Variants in REEP1 observed in about 807,000 individuals in gnomAD.
REEP1 encodes the protein receptor expression-enhancing protein 1.
Under a neutral mutation model 40.3 loss-of-function variants are expected in REEP1, and 22 were observed. The observed-to-expected ratio is 0.55, with a 90% CI of 0.39 to 0.78. The LOEUF (loss-of-function observed/expected upper bound fraction) is 0.78. REEP1 is among the 30% of genes least tolerant of loss of function. The pLI, the probability that REEP1 is intolerant of heterozygous loss-of-function variation, is 0.00. For synonymous variants in REEP1, 116 were observed against 139.2 expected (o/e 0.83, Z 1.17); for missense variants, 280 against 361.1 (o/e 0.78, Z 1.82).
intron 7 of REEP1, among the ~76,000 whole-genome samples, chr2:86,224,930 C>T (rs1481229321): frequency 2.0e-5 from 3 of 152,204 alleles, no homozygotes; most frequent in African/African-American, 7.2e-5. Context: ...AGCCACTCTC[C>T]CCGACCCCCA....
intron 1 of REEP1, among the ~76,000 whole-genome samples, chr2:86,285,813 C>A (rs1678357153): frequency 6.6e-6 from 1 of 152,160 alleles, no homozygotes; most frequent in Non-Finnish European, 1.5e-5. Context: ...AGGAACTCAG[C>A]CCACTTGCTA....
chr2:86,228,646 C>A (rs1674851644), intron 6 of REEP1, among the ~76,000 whole-genome samples: 1 of 152,068 alleles, frequency 6.6e-6, no homozygotes, highest in African/African-American at 2.4e-5. Context: ...TTAGTAGAGA[C>A]AGGGTTTCTC....
chr2:86,332,283 G>A (rs1296392841), intron 1 of REEP1, among the ~76,000 whole-genome samples: 1 of 151,932 alleles, frequency 6.6e-6, no homozygotes, highest in African/African-American at 2.4e-5. Context: ...CTTCTTTTCG[G>A]GGGTTGGAAA....
At chr2:86,237,979 T>C (rs1241254563) in intron 5 of REEP1, among the ~76,000 whole-genome samples, 4 of 152,072 alleles carry the variant, frequency 2.6e-5, no homozygotes, top group African/African-American at 7.2e-5. Flanking sequence ...GTCGGGAGTT[T>C]GAGACCAGCC....
intron 5 of REEP1, among the ~76,000 whole-genome samples, chr2:86,249,467 C>T (rs978906515): frequency 2.0e-5 from 3 of 152,182 alleles, no homozygotes; most frequent in Admixed American, 1.3e-4. Flanking sequence ...CTTTAACCCT[C>T]ATCACCTGTG....
At chr2:86,220,703 G>GTTTT (rs1350962063) in intron 7 of REEP1, among the ~76,000 whole-genome samples, 1 of 83,282 alleles carries the variant, frequency 1.2e-5, no homozygotes, top group African/African-American at 2.7e-5. Flanking sequence ...TAGTTTTTTT[G>GTTTT]TTTGTTTTTT....
In REEP1 at chr2:86,337,341, A is replaced by C; in HGVS notation, c.32+138T>G. On this transcript the variant is annotated intron_variant, in intron 1 of 8. Transcript: ENST00000538924. This position sits in a 1 kb window ranked among gnomAD's most constrained non-coding sequence, Gnocchi z 5.8. Reference sequence around the variant, plus strand: ...CCGCCCGCAGGCGTCCTCGGCGGCTACTGTACCTGCTAAATTTAGCTGCGC... The same window carrying C: ...CCGCCCGCAGGCGTCCTCGGCGGCTCCTGTACCTGCTAAATTTAGCTGCGC... 63 of 420,750 alleles carry C rather than the reference A, an allele frequency of 1.5e-4. No homozygotes were observed. Among genetic ancestry groups the C allele is most frequent in the East Asian group, 2.6e-4 (5 of 19,098 alleles). 26.1% of individuals were successfully genotyped at this position (420,750 alleles called of 1,614,324 possible). A position where few individuals can be genotyped will look rare whatever the true frequency, so the allele number is the denominator to read the frequency against.
chr2:86,265,096 C>T (rs1677068562), intron 2 of REEP1, among the ~76,000 whole-genome samples: 1 of 152,102 alleles, frequency 6.6e-6, no homozygotes, highest in Non-Finnish European at 1.5e-5. Context: ...TTGGCAGGTC[C>T]CTGAAATGCA....
At chr2:86,324,381 A>C (rs1405060808) in intron 1 of REEP1, among the ~76,000 whole-genome samples, 1 of 152,196 alleles carries the variant, frequency 6.6e-6, no homozygotes, top group East Asian at 1.9e-4. Context: ...GCCAATAAAC[A>C]TATGAAAAGA....
At chr2:86,276,085 T>C (rs1677741779) in intron 2 of REEP1, among the ~76,000 whole-genome samples, 1 of 152,190 alleles carries the variant, frequency 6.6e-6, no homozygotes. Flanking sequence ...GCATGTTCAA[T>C]GGGCTCATGT....
At chr2:86,267,361 C>T (rs994823129) in intron 2 of REEP1, among the ~76,000 whole-genome samples, 1 of 152,120 alleles carries the variant, frequency 6.6e-6, no homozygotes, top group Non-Finnish European at 1.5e-5. Context: ...GAAGAAGGTG[C>T]CTGCTTCCCC....
At chr2:86,308,985 C>T (rs1431527418) in intron 1 of REEP1, among the ~76,000 whole-genome samples, 6 of 152,154 alleles carry the variant, frequency 3.9e-5, no homozygotes, top group Non-Finnish European at 1.5e-5. Flanking sequence ...CATCACTCCT[C>T]CTCCTCTGCT....
chr2:86,267,367 TC>T (rs1432145650), intron 2 of REEP1, among the ~76,000 whole-genome samples: 1 of 152,176 alleles, frequency 6.6e-6, no homozygotes, highest in Non-Finnish European at 1.5e-5. Context: ...GGTGCCTGCT[TC>T]CCCTTCACGT....
intron 5 of REEP1, 147 bp from the exon 6 acceptor site, chr2:86,232,949 T>C: frequency 1.2e-6 from 1 of 805,608 alleles, no homozygotes; most frequent in South Asian, 1.5e-5. Flanking sequence ...ACATAGCTGC[T>C]GGAAACACAG....
At chr2:86,224,900 G>A (rs1186096456) in intron 7 of REEP1, among the ~76,000 whole-genome samples, 1 of 152,206 alleles carries the variant, frequency 6.6e-6, no homozygotes, top group Non-Finnish European at 1.5e-5. Flanking sequence ...CAGTGTCAGG[G>A]GAAGAATGGA....
chr2:86,306,979 C>T (rs764997544), intron 1 of REEP1, among the ~76,000 whole-genome samples: 19 of 151,722 alleles, frequency 1.3e-4, no homozygotes, highest in South Asian at 6.3e-4. Context: ...CTGAGGTGGG[C>T]GGATCACCTG....
intron 8 of REEP1, among the ~76,000 whole-genome samples, chr2:86,218,681 C>A (rs1226227934): frequency 6.6e-6 from 1 of 152,196 alleles, no homozygotes; most frequent in Non-Finnish European, 1.5e-5. Flanking sequence ...GGAGGCTGCC[C>A]AGGCCAGATT....
At chr2:86,292,039 C>T (rs1436483393) in intron 1 of REEP1, among the ~76,000 whole-genome samples, 1 of 152,176 alleles carries the variant, frequency 6.6e-6, no homozygotes, top group Non-Finnish European at 1.5e-5. Context: ...GTAGAGATTC[C>T]TATTCTTAAG....
At chr2:86,306,262 T>C (rs1484316743) in intron 1 of REEP1, among the ~76,000 whole-genome samples, 1 of 152,194 alleles carries the variant, frequency 6.6e-6, no homozygotes, top group Non-Finnish European at 1.5e-5. Context: ...ATGTTCATGC[T>C]GTGTCCTCAT....
Sources: gnomAD v4.1 joint callset for allele counts (sites outside exome capture counted in the v4.1 genomes callset) on GRCh38, gnomAD v4.1.1 for gene constraint, Gnocchi (gnomAD v3.1) non-coding constraint, MANE v1.5 for transcripts, NCBI Gene and HGNC (gene_info 2026-07-23, HGNC 2026-07-21) for gene names.